The following PRSS35 variants were observed in gnomAD, a reference collection of about 807,000 sequenced individuals.
The protein encoded by PRSS35 is serine protease 35.
Under a neutral mutation model 8.1 loss-of-function variants are expected in PRSS35, and 7 were observed. That is an observed-to-expected ratio of 0.86 (90% CI 0.49 to 1.62). The LOEUF (loss-of-function observed/expected upper bound fraction) is 1.62, where lower values mean the gene tolerates loss of function less well. Among genes scored for constraint, PRSS35 ranks in the 40% most tolerant of loss-of-function variants. PRSS35 has a pLI of 0.00. For synonymous variants in PRSS35, 199 were observed against 188.7 expected (o/e 1.05, Z -0.45); for missense variants, 566 against 518.0 (o/e 1.09, Z -0.90).
At chr6:83,517,642 G>C (rs11751367) in intron 1 of PRSS35, among the ~76,000 whole-genome samples, 23,526 of 152,150 alleles carry the variant, frequency 0.15, 1,928 homozygotes, top group East Asian at 0.24. Context: ...GTGTCTCCCT[G>C]TTGTGTGTCA....
chr6:83,513,204 G>A (rs1001907950), intron 1 of PRSS35, among the ~76,000 whole-genome samples: 4 of 152,196 alleles, frequency 2.6e-5, no homozygotes, highest in Admixed American at 1.3e-4. Flanking sequence ...AGTGTGTGGG[G>A]TGGTGATGGT....
intron 1 of PRSS35, among the ~76,000 whole-genome samples, chr6:83,519,401 T>C (rs1332923923): frequency 6.6e-6 from 1 of 152,162 alleles, no homozygotes; most frequent in African/African-American, 2.4e-5. Flanking sequence ...CACAGTTATA[T>C]TGGAAGACAG....
chr6:83,519,368 A>G (rs1458058274), intron 1 of PRSS35, among the ~76,000 whole-genome samples: 1 of 152,202 alleles, frequency 6.6e-6, no homozygotes, highest in Admixed American at 6.5e-5. Flanking sequence ...AATGCAAGCC[A>G]TCTGGAAATG....
intron 1 of PRSS35, among the ~76,000 whole-genome samples, chr6:83,518,117 C>T (rs1489249277): frequency 6.6e-6 from 1 of 152,156 alleles, no homozygotes; most frequent in Non-Finnish European, 1.5e-5. Flanking sequence ...TTCTCATAGA[C>T]AGGAAAAATA....
In PRSS35 at chr6:83,524,499, G is replaced by C. The variant is rs757842601; in HGVS notation, c.1058G>C (p.Arg353Pro). ...TCCACCGGTTCGGGGGTCTATCTGC[G>C]TCTGAAAGATCCAGACAAAAAGAAT... The part of the protein sequence containing the change: ...SGSTGSGVYL[R>P]LKDPDKKNWK... Residue 353 changes from arginine to proline, a missense_variant, in exon 2 of 2, where the codon CGT becomes CCT. Transcript: ENST00000369700. 6.2e-7 allele frequency: 1 copy of C among 1,614,138 alleles called. No homozygotes were observed. The highest frequency in any genetic ancestry group is 1.1e-5 in the South Asian group (1 of 91,076).
At chr6:83,521,096 C>G (rs1771812867) in intron 1 of PRSS35, among the ~76,000 whole-genome samples, 1 of 152,122 alleles carries the variant, frequency 6.6e-6, no homozygotes, top group Non-Finnish European at 1.5e-5. Context: ...ACCAAAACAA[C>G]TCCCTTGATT....
chr6:83,519,095 C>T (rs1366778914), intron 1 of PRSS35, among the ~76,000 whole-genome samples: 1 of 152,160 alleles, frequency 6.6e-6, no homozygotes, highest in East Asian at 1.9e-4. Flanking sequence ...AAACAAATAA[C>T]AAAAGGGTAA....
Position 83,523,688 on chromosome 6 carries a change from T to C in PRSS35, c.247T>C (p.Ser83Pro). The change falls in exon 2 of 2, where the codon TCC (serine) becomes CCC (proline). Residue 83 changes from serine (S) to proline (P), a missense_variant. Physicochemically the swap from Ser to Pro is moderately conservative, Grantham distance 74. Coordinates refer to ENST00000369700, the MANE Select transcript of PRSS35 (RefSeq NM_153362.3). ...CCTTTCTGAATTGGAGGATTATCTTTCCTATGAGACTGTCTTTGAGAATGG... is the reference window on the plus strand; with the variant it reads ...CCTTTCTGAATTGGAGGATTATCTTCCCTATGAGACTGTCTTTGAGAATGG... Reference protein sequence around the residue: ...PSLSELEDYLSYETVFENGTR... With the variant: ...PSLSELEDYLPYETVFENGTR... The C allele has an allele frequency of 1.2e-6, 2 of 1,614,186 alleles. No individual in the cohort carries two copies. The highest frequency in any genetic ancestry group is 1.7e-6 in the Non-Finnish European group (2 of 1,180,042).
At chr6:83,521,596 A>C (rs550733920) in intron 1 of PRSS35, among the ~76,000 whole-genome samples, 1 of 149,730 alleles carries the variant, frequency 6.7e-6, no homozygotes, top group African/African-American at 2.5e-5. Context: ...TGCAGCCTTG[A>C]CCTCCTGGGT....
At chr6:83,515,454 A>G (rs1035871520) in intron 1 of PRSS35, among the ~76,000 whole-genome samples, 3 of 151,980 alleles carry the variant, frequency 2.0e-5, no homozygotes, top group African/African-American at 7.2e-5. Context: ...ACACATTTTC[A>G]TTTATATTTT....
intron 1 of PRSS35, among the ~76,000 whole-genome samples, chr6:83,519,035 A>C (rs1771772875): frequency 6.6e-6 from 1 of 152,204 alleles, no homozygotes. Context: ...GCTGGTACAG[A>C]TACACAAATA....
chr6:83,516,960 G>A (rs548680925), intron 1 of PRSS35, among the ~76,000 whole-genome samples: 6 of 152,248 alleles, frequency 3.9e-5, no homozygotes, highest in Admixed American at 1.3e-4. Flanking sequence ...ATATTCACAG[G>A]TCCTGGGGAT....
In PRSS35 at chr6:83,524,102, G is replaced by A. The variant is rs367751854; in HGVS notation, c.661G>A (p.Glu221Lys). The A allele has an allele frequency of 3.1e-6, 5 of 1,613,984 alleles. No homozygotes were observed. The highest frequency in any genetic ancestry group is 4.2e-6 in the Non-Finnish European group (5 of 1,179,918). The change falls in exon 2 of 2, where the codon GAG becomes AAG. Residue 221 changes from glutamate (E) to lysine (K), a missense_variant. Coordinates refer to ENST00000369700, the MANE Select transcript of PRSS35 (RefSeq NM_153362.3). ...TGGTGACCAAAGAGAGGGTACCAGAGAGCATCTGCGGGAGAGAGCGAAGGG... is the reference window on the plus strand; with the variant it reads ...TGGTGACCAAAGAGAGGGTACCAGAAAGCATCTGCGGGAGAGAGCGAAGGG... Reference protein sequence around the residue: ...SGGDQREGTREHLRERAKGGR... With the variant: ...SGGDQREGTRKHLRERAKGGR...
chr6:83,516,672 A>G (rs1771724975), intron 1 of PRSS35, among the ~76,000 whole-genome samples: 1 of 148,912 alleles, frequency 6.7e-6, no homozygotes, highest in African/African-American at 2.5e-5. Flanking sequence ...AAAACAACAC[A>G]TTTTCATTTA....
In PRSS35 at chr6:83,523,622, G is replaced by A. The variant is rs1261125580; in HGVS notation, c.181G>A (p.Val61Met). The change falls in exon 2 of 2, where the codon GTG becomes ATG. Residue 61 changes from valine (V) to methionine (M), a missense_variant. By Grantham distance (21) the Val-to-Met change is conservative. Coordinates refer to ENST00000369700, the MANE Select transcript of PRSS35 (RefSeq NM_153362.3). ...EADAKMMVNT[V>M]CGIECQKELP... is the part of the protein sequence containing the mutation. ...AGATGCTAAGATGATGGTAAATACA[G>A]TGTGTGGCATCGAATGCCAGAAAGA... is the stretch of plus-strand genomic sequence containing the variant. The A allele has an allele frequency of 8.1e-6, 13 of 1,614,068 alleles. No homozygotes were observed. In the East Asian group the frequency reaches 1.6e-4, roughly 19 times the overall value.
At position 83,524,156 on chromosome 6, in the gene PRSS35, G is replaced by C. The variant is rs555827964; in HGVS notation, c.715G>C (p.Gly239Arg). 12 of 1,614,074 alleles carry C rather than the reference G, an allele frequency of 7.4e-6. 1 individual carries two copies. In the East Asian group the frequency reaches 1.3e-4, roughly 18 times the overall value. ...GGRRRKKSGR[G>R]QRIAEGRPSF... is the part of the protein sequence containing the mutation. ...GAGAAGAAGAAAAAAATCTGGCCGG[G>C]GTCAGAGGATTGCCGAAGGGAGGCC... is the stretch of plus-strand genomic sequence containing the variant. Residue 239 changes from glycine (G) to arginine (R), a missense_variant, in exon 2 of 2, where the codon GGT becomes CGT. Physicochemically the swap from Gly to Arg is moderately radical, Grantham distance 125 (BLOSUM62 -2). Coordinates refer to ENST00000369700, the MANE Select transcript of PRSS35 (RefSeq NM_153362.3).
At position 83,523,784 on chromosome 6, in the gene PRSS35, G is replaced by T. The variant is rs1562035148; in HGVS notation, c.343G>T (p.Gly115Ter). The change falls in exon 2 of 2, where the codon GGA becomes TGA. Residue 115 changes from glycine (G) to a stop codon, truncating the protein, a stop_gained. Transcript: ENST00000369700. LOFTEE classifies it low-confidence loss of function (END_TRUNC). ...LEPTQNITTK[G>*]VSVRRKRQVY... is the part of the protein sequence containing the mutation. ...GCCGACTCAAAATATCACCACAAAG[G>T]GAGTATCTGTTAGGAGAAAGAGACA... 12 of 1,614,040 alleles carry T rather than the reference G, an allele frequency of 7.4e-6. No homozygotes were observed. Among genetic ancestry groups the T allele is most frequent in the South Asian group, 1.1e-5 (1 of 91,084 alleles).
chr6:83,522,276 T>A (rs1771836498), intron 1 of PRSS35, among the ~76,000 whole-genome samples: 1 of 152,112 alleles, frequency 6.6e-6, no homozygotes, highest in Non-Finnish European at 1.5e-5. Flanking sequence ...TGGCAAATAC[T>A]AGCGACACAG....
intron 1 of PRSS35, among the ~76,000 whole-genome samples, chr6:83,517,113 T>C (rs933812950): frequency 1.3e-5 from 2 of 152,218 alleles, no homozygotes; most frequent in Admixed American, 6.5e-5. Flanking sequence ...CTCTGGGCAT[T>C]GTGCTTATCA....
Sources: gnomAD v4.1 joint callset for allele counts (sites outside exome capture counted in the v4.1 genomes callset) on GRCh38, gnomAD v4.1.1 for gene constraint, MANE v1.5 for transcripts, NCBI Gene and HGNC (gene_info 2026-07-23, HGNC 2026-07-21) for gene names.